CCDC3: variants seen among roughly 807,000 people sequenced by gnomAD.
CCDC3 encodes coiled-coil domain containing 3.
CCDC3 carries 24 observed loss-of-function variants against 21.4 expected under a neutral mutation model. The ratio of observed to expected loss-of-function variants is 1.12; its 90% confidence interval spans 0.81 to 1.58. The LOEUF is 1.58. CCDC3 is among the 40% of genes most tolerant of loss of function. The pLI is 0.00. For missense variants in CCDC3, 425 were observed against 360.9 expected (o/e 1.18, Z -1.44); for synonymous variants, 186 against 166.0 (o/e 1.12, Z -0.93).
At position 13,022,535 on chromosome 10, in the gene CCDC3, T is replaced by C. The variant is rs1005134577; in HGVS notation, c.-1-24023A>G. 5.9e-5 allele frequency among the ~76,000 whole-genome samples: 9 copies of C among 152,062 alleles called. No homozygotes were observed. The South Asian group carries it at 1.7e-3, about 28-fold the overall frequency. On this transcript the variant is annotated intron_variant, in intron 5 of 6. Transcript: ENST00000378839. Reference sequence around the variant, plus strand: ...TAGGTTGGTGCAAAAATAATTGCGGTTTTTGCCATTACTTTTAATGGCCAA... The same window carrying C: ...TAGGTTGGTGCAAAAATAATTGCGGCTTTTGCCATTACTTTTAATGGCCAA...
chr10:13,053,104 G>A (rs571317384), intron 4 of CCDC3, among the ~76,000 whole-genome samples: 48 of 152,088 alleles, frequency 3.2e-4, no homozygotes, highest in Non-Finnish European at 5.4e-4. Flanking sequence ...TCAGGAAAAA[G>A]GATTTTTCCT....
At chr10:12,945,450 T>A (rs556288731) in intron 2 of CCDC3, among the ~76,000 whole-genome samples, 121 of 151,622 alleles carry the variant, frequency 8.0e-4, no homozygotes, top group Non-Finnish European at 1.4e-3. Context: ...ATAAGAAAAC[T>A]GTAGGATGCT....
At chr10:13,069,674 A>C (rs560148245) in intron 4 of CCDC3, among the ~76,000 whole-genome samples, 2 of 152,328 alleles carry the variant, frequency 1.3e-5, no homozygotes, top group Non-Finnish European at 2.9e-5. Flanking sequence ...AGTACATTGG[A>C]TTGCCAAAAT....
At chr10:13,033,100 G>T (rs550386770) in intron 5 of CCDC3, among the ~76,000 whole-genome samples, 3 of 152,254 alleles carry the variant, frequency 2.0e-5, no homozygotes, top group South Asian at 2.1e-4. Flanking sequence ...ATACTACAAG[G>T]CTACAGTAAC....
At chr10:12,912,082 G>GT (rs1834278987) in intron 2 of CCDC3, among the ~76,000 whole-genome samples, 1 of 152,136 alleles carries the variant, frequency 6.6e-6, no homozygotes, top group African/African-American at 2.4e-5. Flanking sequence ...CTCGACTATT[G>GT]TAAGTAATGC....
intron 5 of CCDC3, among the ~76,000 whole-genome samples, chr10:13,025,039 C>A (rs1197577993): frequency 6.6e-6 from 1 of 152,304 alleles, no homozygotes; most frequent in East Asian, 1.9e-4. Flanking sequence ...TGCTGCATAA[C>A]AAACCATCCC....
chr10:13,008,522 A>C (rs915875674), intron 5 of CCDC3, among the ~76,000 whole-genome samples: 3 of 152,238 alleles, frequency 2.0e-5, no homozygotes, highest in Non-Finnish European at 2.9e-5. Flanking sequence ...CAAATAAGCA[A>C]ATCTATTAAG....
intron 2 of CCDC3, among the ~76,000 whole-genome samples, chr10:12,950,363 A>C (rs1433145859): frequency 1.3e-5 from 2 of 152,232 alleles, no homozygotes; most frequent in East Asian, 3.8e-4. Flanking sequence ...TTTTAAGAGA[A>C]AGAGATTCAA....
chr10:12,990,814 T>C (rs572981007), intron 2 of CCDC3, among the ~76,000 whole-genome samples: 116 of 152,336 alleles, frequency 7.6e-4, no homozygotes, highest in African/African-American at 2.8e-3. Flanking sequence ...AAATCATGCA[T>C]GAGTAAGAAA....
At chr10:12,997,424 T>C (rs1429273663) in intron 2 of CCDC3, among the ~76,000 whole-genome samples, 1 of 152,228 alleles carries the variant, frequency 6.6e-6, no homozygotes, top group South Asian at 2.1e-4. Flanking sequence ...CAAAGCCCAT[T>C]GCTTTGGAAG....
intron 5 of CCDC3, among the ~76,000 whole-genome samples, chr10:13,012,927 T>C (rs537501157): frequency 6.6e-6 from 1 of 152,140 alleles, no homozygotes; most frequent in Admixed American, 6.5e-5. Flanking sequence ...TAATAAACTG[T>C]CACAAAGAAA....
At chr10:12,953,438 G>A (rs1835038971) in intron 2 of CCDC3, among the ~76,000 whole-genome samples, 1 of 152,064 alleles carries the variant, frequency 6.6e-6, no homozygotes, top group African/African-American at 2.4e-5. Context: ...ACATCTGTAG[G>A]GATATACTGA....
chr10:12,933,883 A>C (rs563140621), intron 2 of CCDC3, among the ~76,000 whole-genome samples: 1 of 151,188 alleles, frequency 6.6e-6, no homozygotes, highest in African/African-American at 2.5e-5. Context: ...TATTGATTTT[A>C]TTTATCTTTT....
intron 5 of CCDC3, among the ~76,000 whole-genome samples, chr10:13,016,450 T>A (rs937682869): frequency 1.3e-5 from 2 of 151,976 alleles, no homozygotes; most frequent in Non-Finnish European, 2.9e-5. Context: ...ATTCTTCCTA[T>A]GATATCATAT....
At chr10:12,947,749 A>G (rs765820333) in intron 2 of CCDC3, among the ~76,000 whole-genome samples, 2 of 152,228 alleles carry the variant, frequency 1.3e-5, no homozygotes, top group Non-Finnish European at 2.9e-5. Context: ...ATTGATAATT[A>G]AGTGCCTCTT....
intron 3 of CCDC3, among the ~76,000 whole-genome samples, chr10:13,078,985 A>C (rs963987482): frequency 3.3e-5 from 5 of 152,116 alleles, no homozygotes; most frequent in African/African-American, 1.2e-4. Context: ...CATTGTGCAC[A>C]TGTACCCTAG....
chr10:12,944,915 A>G (rs552405911), intron 2 of CCDC3, among the ~76,000 whole-genome samples: 1 of 152,246 alleles, frequency 6.6e-6, no homozygotes, highest in Non-Finnish European at 1.5e-5. Context: ...CTATACTAGA[A>G]GGTTTTAATA....
chr10:12,908,973 C>A (rs897654354), intron 2 of CCDC3, among the ~76,000 whole-genome samples: 1 of 152,154 alleles, frequency 6.6e-6, no homozygotes, highest in Non-Finnish European at 1.5e-5. Context: ...GGAAGATGTT[C>A]TACTTTTATT....
At chr10:12,998,003 C>T (rs994904798) in intron 2 of CCDC3, among the ~76,000 whole-genome samples, 1 of 152,128 alleles carries the variant, frequency 6.6e-6, no homozygotes, top group Non-Finnish European at 1.5e-5. Flanking sequence ...TCCTGGGCTG[C>T]AGGTTGGACA....
Sources: gnomAD v4.1 joint callset for allele counts (sites outside exome capture counted in the v4.1 genomes callset) on GRCh38, gnomAD v4.1.1 for gene constraint, MANE v1.5 for transcripts, NCBI Gene and HGNC (gene_info 2026-07-23, HGNC 2026-07-21) for gene names.